Variants in PDE4B observed in about 807,000 individuals in gnomAD.
PDE4B encodes phosphodiesterase 4B, also known as 3',5'-cyclic-AMP phosphodiesterase 4B.
PDE4B carries 20 observed loss-of-function variants against 82.2 expected under a neutral mutation model. The observed-to-expected ratio is 0.24, with a 90% CI of 0.17 to 0.35. The LOEUF (loss-of-function observed/expected upper bound fraction) is 0.35, where lower values mean the gene tolerates loss of function less well. Among genes scored for constraint, PDE4B ranks in the 10% least tolerant of loss-of-function variants. The probability of loss-of-function intolerance (pLI) is 1.00; values close to 1 mark genes in which losing one functional copy is unlikely to be tolerated. For synonymous variants in PDE4B, 320 were observed against 318.9 expected (o/e 1.00, Z -0.04); for missense variants, 655 against 907.2 (o/e 0.72, Z 3.57).
At chr1:66,006,786 T>C (rs1652174239) in intron 3 of PDE4B, among the ~76,000 whole-genome samples, 1 of 152,064 alleles carries the variant, frequency 6.6e-6, no homozygotes, top group Non-Finnish European at 1.5e-5. Context: ...CCTGCAATCA[T>C]GTGAAGAAGG....
At chr1:65,948,493 G>T (rs896648682) in intron 3 of PDE4B, among the ~76,000 whole-genome samples, 15 of 151,828 alleles carry the variant, frequency 9.9e-5, no homozygotes, top group Non-Finnish European at 1.9e-4. Context: ...AGGCTGAGAG[G>T]CTAGACCAGT....
intron 3 of PDE4B, among the ~76,000 whole-genome samples, chr1:66,006,016 T>C (rs1652128834): frequency 6.6e-6 from 1 of 152,186 alleles, no homozygotes; most frequent in South Asian, 2.1e-4. Flanking sequence ...TTCTGCAAAA[T>C]AACATGGCAG....
At chr1:66,079,156 C>T (rs932064914) in intron 3 of PDE4B, among the ~76,000 whole-genome samples, 1 of 137,800 alleles carries the variant, frequency 7.3e-6, no homozygotes, top group African/African-American at 2.8e-5. Flanking sequence ...TCTGTCTCTC[C>T]CTGCTTCTTT....
At chr1:66,319,071 T>G (rs1659214519) in intron 7 of PDE4B, among the ~76,000 whole-genome samples, 1 of 152,174 alleles carries the variant, frequency 6.6e-6, no homozygotes, top group Admixed American at 6.5e-5. Flanking sequence ...ATATAACAGG[T>G]TTTCTGCTCT....
intron 1 of PDE4B, among the ~76,000 whole-genome samples, chr1:65,851,298 A>C (rs12129539): frequency 0.11 from 16,890 of 151,696 alleles, 1,060 homozygotes; most frequent in Non-Finnish European, 0.14. Flanking sequence ...CTATTTTAGC[A>C]TTTTTTTCTT....
intron 3 of PDE4B, among the ~76,000 whole-genome samples, chr1:66,131,592 G>GATATATATATATAT (rs71058452): frequency 0.01 from 341 of 32,818 alleles, 76 homozygotes; most frequent in Non-Finnish European, 0.016. Context: ...CTGAATGCCA[G>GATATATATATATAT]ATATATATAT....
At chr1:66,195,007 A>C (rs1371824902) in intron 3 of PDE4B, among the ~76,000 whole-genome samples, 1 of 152,192 alleles carries the variant, frequency 6.6e-6, no homozygotes, top group Admixed American at 6.6e-5. Flanking sequence ...ATGAGTTTTT[A>C]AAAATTAAAC....
intron 3 of PDE4B, among the ~76,000 whole-genome samples, chr1:66,154,405 A>C (rs997795686): frequency 6.6e-6 from 1 of 152,276 alleles, no homozygotes; most frequent in Admixed American, 6.5e-5. Flanking sequence ...GAGCATATGT[A>C]GGGGACAGGC....
Position 66,372,791 on chromosome 1 carries a change from C to A in PDE4B, c.*113C>A. ...CTGCACAGGACAAGGGCCACCTGGCCTTTCAGTTACTTGAGTTTGGAGTCA... is the reference window on the plus strand; with the variant it reads ...CTGCACAGGACAAGGGCCACCTGGCATTTCAGTTACTTGAGTTTGGAGTCA... On this transcript the variant is annotated 3_prime_UTR_variant, in exon 17 of 17. Coordinates refer to ENST00000341517, the MANE Select transcript of PDE4B (RefSeq NM_002600.4). 9.7e-7 allele frequency: 1 copy of A among 1,035,332 alleles called. No homozygotes were observed. The highest frequency in any genetic ancestry group is 2.4e-4 in the Middle Eastern group (1 of 4,132). The allele number at this position is 1,035,332 out of a possible 1,614,324, so 64.1% of individuals were successfully genotyped here.
At chr1:65,997,565 C>G (rs1301375013) in intron 3 of PDE4B, among the ~76,000 whole-genome samples, 1 of 152,148 alleles carries the variant, frequency 6.6e-6, no homozygotes, top group Non-Finnish European at 1.5e-5. Flanking sequence ...AGTTTGTTAG[C>G]TAACTCTACT....
chr1:66,004,853 AT>A (rs1652061841), intron 3 of PDE4B, among the ~76,000 whole-genome samples: 1 of 151,942 alleles, frequency 6.6e-6, no homozygotes, highest in Non-Finnish European at 1.5e-5. Context: ...TTATTTATTT[AT>A]TTTTTGAGTG....
chr1:65,988,502 T>C (rs1010725827), intron 3 of PDE4B, among the ~76,000 whole-genome samples: 1 of 152,164 alleles, frequency 6.6e-6, no homozygotes, highest in Non-Finnish European at 1.5e-5. Context: ...TGTATAGCTT[T>C]ACTTGAATAG....
intron 1 of PDE4B, among the ~76,000 whole-genome samples, chr1:65,883,449 T>G (rs1646733376): frequency 6.6e-6 from 1 of 152,014 alleles, no homozygotes; most frequent in Non-Finnish European, 1.5e-5. Flanking sequence ...ATGATTTGGC[T>G]CTCTGTTTGT....
At chr1:65,989,197 T>G (rs1937431) in intron 3 of PDE4B, among the ~76,000 whole-genome samples, 10,976 of 152,142 alleles carry the variant, frequency 0.072, 949 homozygotes, top group East Asian at 0.43. Context: ...TATCAGAAAT[T>G]TCATTATTTA....
At chr1:66,168,070 A>AAAT (rs1646771195) in intron 3 of PDE4B, among the ~76,000 whole-genome samples, 1 of 152,198 alleles carries the variant, frequency 6.6e-6, no homozygotes, top group South Asian at 2.1e-4. Flanking sequence ...TATTTTCATG[A>AAAT]AAATCACTTC....
chr1:65,923,841 G>A (rs937477909), intron 3 of PDE4B, among the ~76,000 whole-genome samples: 25 of 151,762 alleles, frequency 1.6e-4, no homozygotes, highest in Non-Finnish European at 4.4e-5. Flanking sequence ...GGGATTTCCC[G>A]GACTTCTTGA....
At chr1:65,913,501 C>A (rs968743807) in intron 2 of PDE4B, 145 bp downstream of exon 2, 5 of 711,836 alleles carry the variant, frequency 7.0e-6, no homozygotes, top group Non-Finnish European at 9.9e-6. Context: ...AGCACCTGGA[C>A]CTGACGTTCT....
intron 3 of PDE4B, among the ~76,000 whole-genome samples, chr1:66,080,784 A>G (rs757655470): frequency 1.3e-5 from 2 of 152,134 alleles, no homozygotes; most frequent in Non-Finnish European, 2.9e-5. Context: ...TTGTGGGTCC[A>G]TGTGCAGGAT....
intron 1 of PDE4B, among the ~76,000 whole-genome samples, chr1:65,906,174 C>T (rs915765694): frequency 1.4e-4 from 21 of 152,210 alleles, no homozygotes; most frequent in African/African-American, 5.1e-4. Context: ...TGAGCATGAG[C>T]AGATGCCCAG....
Sources: gnomAD v4.1 joint callset for allele counts (sites outside exome capture counted in the v4.1 genomes callset) on GRCh38, gnomAD v4.1.1 for gene constraint, MANE v1.5 for transcripts, NCBI Gene and HGNC (gene_info 2026-07-23, HGNC 2026-07-21) for gene names.